FCN1: variants seen among roughly 807,000 people sequenced by gnomAD.
The protein encoded by FCN1 is ficolin-1.
Under a neutral mutation model 35.6 loss-of-function variants are expected in FCN1, and 42 were observed. That is an observed-to-expected ratio of 1.18 (90% CI 0.92 to 1.53). The LOEUF (loss-of-function observed/expected upper bound fraction) is 1.53. FCN1 is among the 40% of genes most tolerant of loss of function. FCN1 has a pLI of 0.00. For synonymous variants in FCN1, 179 were observed against 169.8 expected (o/e 1.05, Z -0.42); for missense variants, 439 against 428.4 (o/e 1.02, Z -0.22).
rs1170596443 is a variant in FCN1, at chr9:134,907,479, A to G, written c.*2319T>C. 2 of 152,236 alleles carry G rather than the reference A, an allele frequency of 1.3e-5. No individual in the cohort carries two copies. The highest frequency in any genetic ancestry group is 4.8e-5 in the African/African-American group (2 of 41,454). The allele number at this position is 152,236 out of a possible 1,614,324, so 9.4% of individuals were successfully genotyped here. A position where few individuals can be genotyped will look rare whatever the true frequency, so the allele number is the denominator to read the frequency against. On this transcript the variant is annotated 3_prime_UTR_variant, in exon 9 of 9. Coordinates refer to ENST00000371806, the MANE Select transcript of FCN1 (RefSeq NM_002003.5). ...AAAGTACAGCTTAATTATTTTCATC[A>G]CTAGTTAACAAACATCCTTACAATC... is the stretch of plus-strand genomic sequence containing the variant.
intron 5 of FCN1, 41 bp downstream of exon 5, chr9:134,913,540 G>C (rs372066467): frequency 3.1e-5 from 49 of 1,570,510 alleles, no homozygotes; most frequent in Non-Finnish European, 4.1e-5. Flanking sequence ...CCAGGGGTGG[G>C]GGCAAGGCTT....
Position 134,904,945 on chromosome 9 carries a change from A to G in FCN1, c.*4853T>C, listed in dbSNP as rs539888089. ...ATACGGACTGCACAAAACAATACTAATAGCCATTTCTTGCAGGACTTTAAA... is the reference window on the plus strand; with the variant it reads ...ATACGGACTGCACAAAACAATACTAGTAGCCATTTCTTGCAGGACTTTAAA... On this transcript the variant is annotated 3_prime_UTR_variant, in exon 9 of 9. Transcript: ENST00000371806. 3.9e-5 allele frequency among the ~76,000 whole-genome samples: 6 copies of G among 152,324 alleles called. No individual in the cohort carries two copies. The highest frequency in any genetic ancestry group is 1.3e-4 in the Admixed American group (2 of 15,294).
chr9:134,912,462 C>G, intron 7 of FCN1, 24 bp downstream of exon 7: 1 of 1,609,498 alleles, frequency 6.2e-7, no homozygotes, highest in Non-Finnish European at 8.5e-7. Flanking sequence ...CCCCCCAACC[C>G]CTGAGCCACG....
chr9:134,912,256 G>C (rs533608605), intron 7 of FCN1, among the ~76,000 whole-genome samples: 2 of 152,196 alleles, frequency 1.3e-5, no homozygotes, highest in Non-Finnish European at 2.9e-5. Context: ...GATGCCAGTA[G>C]GACCAAGACC....
chr9:134,910,657 T>A (rs1323422494), intron 8 of FCN1, among the ~76,000 whole-genome samples: 3 of 152,124 alleles, frequency 2.0e-5, no homozygotes, highest in African/African-American at 7.2e-5. Context: ...CATGGAGCAG[T>A]TAGTTACACA....
rs1287077600 is a variant in FCN1, at chr9:134,907,551, G to C, written c.*2247C>G. Reference sequence around the variant, plus strand: ...AGCATTGCCAGAACCCCAGAGGCTTGTCCCTGTCCCTTCCCAGTCACCATG... The same window carrying C: ...AGCATTGCCAGAACCCCAGAGGCTTCTCCCTGTCCCTTCCCAGTCACCATG... On this transcript the variant is annotated 3_prime_UTR_variant, in exon 9 of 9. Transcript: ENST00000371806. The C allele has an allele frequency of 2.0e-5, 3 of 152,200 alleles. No homozygotes were observed. The highest frequency in any genetic ancestry group is 2.9e-5 in the Non-Finnish European group (2 of 68,032). The allele number at this position is 152,200 out of a possible 1,614,324, so 9.4% of individuals were successfully genotyped here. A position where few individuals can be genotyped will look rare whatever the true frequency, so the allele number is the denominator to read the frequency against.
At position 134,908,727 on chromosome 9, in the gene FCN1, G is replaced by T. The variant is rs1399475935; in HGVS notation, c.*1071C>A. The T allele has an allele frequency of 6.3e-6, 1 of 159,792 alleles. No homozygotes were observed. Among genetic ancestry groups the T allele is most frequent in the Non-Finnish European group, 1.4e-5 (1 of 72,706 alleles). The allele number at this position is 159,792 out of a possible 1,614,324, so 9.9% of individuals were successfully genotyped here. A position where few individuals can be genotyped will look rare whatever the true frequency, so the allele number is the denominator to read the frequency against. ...AGGTTCTCCCCTAGAACCCTGGAAG[G>T]AGCCACCACTGCTGAGTCCTGCCTG... On this transcript the variant is annotated 3_prime_UTR_variant, in exon 9 of 9. Coordinates refer to ENST00000371806, the MANE Select transcript of FCN1 (RefSeq NM_002003.5).
rs1425464147 is a variant in FCN1 at position 134,904,241 on chromosome 9, T to G, written c.*5557A>C. 6.6e-6 allele frequency among the ~76,000 whole-genome samples: 1 copy of G among 152,152 alleles called. No homozygotes were observed. Among genetic ancestry groups the G allele is most frequent in the Non-Finnish European group, 1.5e-5 (1 of 68,022 alleles). ...ACTATCAAGGCAAAGAAAAAAAATT[T>G]TATAAATGTATTTTTTGAAAAAAGT... On this transcript the variant is annotated 3_prime_UTR_variant, in exon 9 of 9. Transcript: ENST00000371806.
Position 134,917,799 on chromosome 9 carries a change from G to A in FCN1, c.73C>T (p.Leu25=). The change falls in exon 1 of 9, where the codon CTG becomes TTG. Residue 25 remains leucine (L), a synonymous_variant. Transcript: ENST00000371806. ...CATGTGTCCGCAGCCTGGGCAGGCA[G>A]GTTCTTGATATGCAGGAACAAGACT... ...LLVLFLHIKN[L]PAQAADTCPE... is the part of the protein sequence containing the mutation. 6.2e-7 allele frequency: 1 copy of A among 1,613,904 alleles called. No homozygotes were observed. The highest frequency in any genetic ancestry group is 8.5e-7 in the Non-Finnish European group (1 of 1,179,852).
At position 134,908,882 on chromosome 9, in the gene FCN1, A is replaced by G. The variant is rs1263729030; in HGVS notation, c.*916T>C. ...AGAAAACTAAAGATTTGTGTGCCGC[A>G]CGTTGATTCTGCCCCTCTGGCCTTC... On this transcript the variant is annotated 3_prime_UTR_variant, in exon 9 of 9. Transcript: ENST00000371806. The G allele has an allele frequency of 8.9e-6, 2 of 223,950 alleles. No homozygotes were observed. Among genetic ancestry groups the G allele is most frequent in the Admixed American group, 1.1e-4 (2 of 18,986 alleles). 13.9% of individuals were successfully genotyped at this position (223,950 alleles called of 1,614,324 possible).
Position 134,904,771 on chromosome 9 carries a change from C to T in FCN1, c.*5027G>A, listed in dbSNP as rs12352642. On this transcript the variant is annotated 3_prime_UTR_variant, in exon 9 of 9. Transcript: ENST00000371806. The stretch of plus-strand genomic sequence containing the variant: ...CTCCAGCCTGGGGGACAGAGTGAGA[C>T]CCTGTTTCAAAAAATAAAAATAAAA... Among the ~76,000 whole-genome samples the T allele has an allele frequency of 2.0e-5, 3 of 151,640 alleles. No individual in the cohort carries two copies. Among genetic ancestry groups the T allele is most frequent in the Non-Finnish European group, 4.4e-5 (3 of 67,990 alleles).
In FCN1 at chr9:134,914,750, G is replaced by A; in HGVS notation, c.271+6C>T. 6.2e-7 allele frequency: 1 copy of A among 1,609,424 alleles called. No homozygotes were observed. The highest frequency in any genetic ancestry group is 8.5e-7 in the Non-Finnish European group (1 of 1,176,806). On this transcript the variant is annotated splice_donor_region_variant and intron_variant, in intron 3 of 8. Coordinates refer to ENST00000371806, the MANE Select transcript of FCN1 (RefSeq NM_002003.5). The stretch of plus-strand genomic sequence containing the variant: ...AAGGCCTCCTCGCTGTCTGTCCCCT[G>A]GTTACCTTTGGGCCCCACTGGTCCT...
In FCN1 at chr9:134,908,002, T is replaced by C. The variant is rs1164037960; in HGVS notation, c.*1796A>G. 1 of 152,108 alleles carries C rather than the reference T, an allele frequency of 6.6e-6. No homozygotes were observed. The highest frequency in any genetic ancestry group is 1.9e-4 in the East Asian group (1 of 5,186). 9.4% of individuals were successfully genotyped at this position (152,108 alleles called of 1,614,324 possible). A position where few individuals can be genotyped will look rare whatever the true frequency, so the allele number is the denominator to read the frequency against. ...GACTGTGTGTCTTCTTCTCCAACAG[T>C]TGATGCCAAGCCATTTTCCAGGTTG... On this transcript the variant is annotated 3_prime_UTR_variant, in exon 9 of 9. Transcript: ENST00000371806.
Position 134,903,609 on chromosome 9 carries a change from TA to T in FCN1, c.*6188del, listed in dbSNP as rs929420129. Reference sequence around the variant, plus strand: ...AAATTATACCTCAAAAAATCTGACTTAAAAAAAAATCCTCTCTGCCTTCCTG... The same window carrying T: ...AAATTATACCTCAAAAAATCTGACTTAAAAAAAATCCTCTCTGCCTTCCTG... On this transcript the variant is annotated 3_prime_UTR_variant, in exon 9 of 9. Transcript: ENST00000371806. Among the ~76,000 whole-genome samples, 11 of 151,346 alleles carry T rather than the reference TA, an allele frequency of 7.3e-5. 1 individual carries two copies. The highest frequency in any genetic ancestry group is 1.9e-4 in the East Asian group (1 of 5,168).
chr9:134,917,412 C>G lies in FCN1; in HGVS notation c.103+357G>C, dbSNP rs148213912. ...TAACAAACCCCCCAAGTCCGTGTGG[C>G]AGCCACCGTATTAGAGGGTCTTAGA... On this transcript the variant is annotated intron_variant, in intron 1 of 8. Coordinates refer to ENST00000371806, the MANE Select transcript of FCN1 (RefSeq NM_002003.5). 2.1e-3 allele frequency among the ~76,000 whole-genome samples: 325 copies of G among 152,348 alleles called. 1 individual carries two copies. The highest frequency in any genetic ancestry group is 3.2e-3 in the Non-Finnish European group (216 of 68,030).
intron 4 of FCN1, 34 bp from the exon 5 acceptor site, chr9:134,913,647 T>A: frequency 6.4e-7 from 1 of 1,574,406 alleles, no homozygotes; most frequent in Non-Finnish European, 8.7e-7. Context: ...GTCATAAGCT[T>A]GAAATCAGAG....
In FCN1 at chr9:134,905,911, C is replaced by CTTCTTCTTT. The variant is rs1830949512; in HGVS notation, c.*3886_*3887insAAAGAAGAA. 1 of 117,260 alleles carries CTTCTTCTTT rather than the reference C, an allele frequency of 8.5e-6. No individual in the cohort carries two copies. Among genetic ancestry groups the CTTCTTCTTT allele is most frequent in the South Asian group, 2.6e-4 (1 of 3,914 alleles). 7.3% of individuals were successfully genotyped at this position (117,260 alleles called of 1,614,324 possible). On this transcript the variant is annotated 3_prime_UTR_variant, in exon 9 of 9. Transcript: ENST00000371806. ...TCTTCTTCTTCTTCTTCTTCTTCTT[C>CTTCTTCTTT]TTCTTCTTCTTCTCCCTCTCCCTCT... is the stretch of plus-strand genomic sequence containing the variant.
intron 8 of FCN1, 87 bp from the exon 9 acceptor site, chr9:134,910,132 C>T (rs1441739275): frequency 7.2e-6 from 9 of 1,254,402 alleles, no homozygotes; most frequent in Non-Finnish European, 1.0e-5. Context: ...CTGAGCAGAG[C>T]CAACCTCACT....
intron 8 of FCN1, 36 bp downstream of exon 8, chr9:134,911,097 C>A (rs1002705474): frequency 6.2e-7 from 1 of 1,610,872 alleles, no homozygotes; most frequent in Non-Finnish European, 8.5e-7. Flanking sequence ...GCTTTCCAAG[C>A]CCCACTCAGG....
Sources: gnomAD v4.1 joint callset for allele counts (sites outside exome capture counted in the v4.1 genomes callset) on GRCh38, gnomAD v4.1.1 for gene constraint, MANE v1.5 for transcripts, NCBI Gene and HGNC (gene_info 2026-07-23, HGNC 2026-07-21) for gene names.